Variants in FBXL17 observed in about 807,000 individuals in gnomAD.
FBXL17 encodes F-box/LRR-repeat protein 17.
FBXL17 carries 22 observed loss-of-function variants against 66.2 expected under a neutral mutation model. That is an observed-to-expected ratio of 0.33 (90% CI 0.24 to 0.47). The LOEUF (loss-of-function observed/expected upper bound fraction) is 0.47. FBXL17 is among the 20% of genes least tolerant of loss of function. The pLI is 1.00. For missense variants in FBXL17, 878 were observed against 948.2 expected (o/e 0.93, Z 0.97); for synonymous variants, 474 against 400.5 (o/e 1.18, Z -2.19).
intron 8 of FBXL17, among the ~76,000 whole-genome samples, chr5:107,866,363 G>T (rs1203284563): frequency 2.0e-5 from 3 of 152,098 alleles, no homozygotes; most frequent in Non-Finnish European, 4.4e-5. Flanking sequence ...TTTCAAAATT[G>T]TTGTAACTCT....
At position 108,161,232 on chromosome 5, in the gene FBXL17, C is replaced by T. The variant is rs146791135; in HGVS notation, c.1745+24885G>A. 4.6e-5 allele frequency among the ~76,000 whole-genome samples: 7 copies of T among 151,644 alleles called. No homozygotes were observed. In the East Asian group the frequency reaches 1.4e-3, roughly 30 times the overall value. ...GCGCAGTGGCTCACACCTGTAATCC[C>T]AGCACTTTGGGAGGCCCAGGTGGGC... On this transcript the variant is annotated intron_variant, in intron 6 of 8. Coordinates refer to ENST00000542267, the MANE Select transcript of FBXL17 (RefSeq NM_001163315.3).
At chr5:108,338,476 G>A (rs1319797833) in intron 4 of FBXL17, among the ~76,000 whole-genome samples, 1 of 152,020 alleles carries the variant, frequency 6.6e-6, no homozygotes, top group Non-Finnish European at 1.5e-5. Context: ...AGCCAATAAA[G>A]ATCTGGTAAC....
intron 6 of FBXL17, among the ~76,000 whole-genome samples, chr5:108,031,832 G>A (rs758714906): frequency 6.6e-6 from 1 of 152,136 alleles, no homozygotes; most frequent in Non-Finnish European, 1.5e-5. Context: ...CATCTGCAAT[G>A]CTGACTGCCA....
intron 6 of FBXL17, among the ~76,000 whole-genome samples, chr5:108,120,717 T>A (rs1386617032): frequency 1.3e-5 from 2 of 151,966 alleles, no homozygotes; most frequent in Non-Finnish European, 2.9e-5. Flanking sequence ...CCTGTAGTCG[T>A]AGCTACTCAG....
intron 4 of FBXL17, among the ~76,000 whole-genome samples, chr5:108,312,828 C>G (rs375436394): frequency 6.6e-6 from 1 of 151,832 alleles, no homozygotes; most frequent in East Asian, 1.9e-4. Flanking sequence ...ACTCCAATAC[C>G]GATAATTTCT....
chr5:108,077,674 A>G (rs1315836614), intron 6 of FBXL17, among the ~76,000 whole-genome samples: 1 of 152,098 alleles, frequency 6.6e-6, no homozygotes, highest in Non-Finnish European at 1.5e-5. Flanking sequence ...AAAAAAAAAA[A>G]AAATGAAAAA....
intron 7 of FBXL17, among the ~76,000 whole-genome samples, chr5:107,929,170 C>A (rs984417387): frequency 1.3e-5 from 2 of 152,122 alleles, no homozygotes; most frequent in African/African-American, 2.4e-5. Context: ...TAAACAGACA[C>A]AGTAGGGAAA....
intron 4 of FBXL17, among the ~76,000 whole-genome samples, chr5:108,254,864 A>G (rs138502035): frequency 9.6e-4 from 146 of 152,278 alleles, no homozygotes; most frequent in African/African-American, 3.1e-3. Context: ...GTTAATCCCA[A>G]TGTCTTAAAC....
intron 7 of FBXL17, among the ~76,000 whole-genome samples, chr5:107,906,083 T>C (rs151257896): frequency 0.013 from 2,021 of 152,084 alleles, 44 homozygotes; most frequent in African/African-American, 0.046. Flanking sequence ...TCAAGAAGTT[T>C]AGCAAATCTG....
chr5:107,997,343 T>C (rs928633159), intron 7 of FBXL17, among the ~76,000 whole-genome samples: 6 of 152,206 alleles, frequency 3.9e-5, no homozygotes, highest in African/African-American at 1.4e-4. Flanking sequence ...ATATGTAAAA[T>C]TGAAATGCTG....
At chr5:108,126,567 G>A (rs1750704344) in intron 6 of FBXL17, among the ~76,000 whole-genome samples, 1 of 151,126 alleles carries the variant, frequency 6.6e-6, no homozygotes, top group South Asian at 2.1e-4. Flanking sequence ...TTTTATATAT[G>A]TGTGTATATA....
At chr5:108,068,463 G>A (rs1197114692) in intron 6 of FBXL17, among the ~76,000 whole-genome samples, 1 of 149,576 alleles carries the variant, frequency 6.7e-6, no homozygotes, top group Admixed American at 6.7e-5. Flanking sequence ...TTTTTTGGGG[G>A]GGGGGCGGGG....
At chr5:108,184,582 C>G (rs986983580) in intron 6 of FBXL17, among the ~76,000 whole-genome samples, 3 of 151,602 alleles carry the variant, frequency 2.0e-5, no homozygotes, top group Admixed American at 1.3e-4. Context: ...GCTGGGATTA[C>G]AAGTGTGAGC....
intron 4 of FBXL17, among the ~76,000 whole-genome samples, chr5:108,280,224 A>T (rs1409058240): frequency 2.0e-5 from 3 of 152,176 alleles, no homozygotes; most frequent in Non-Finnish European, 4.4e-5. Context: ...AACAGAAAGA[A>T]AAAAAGCACC....
intron 4 of FBXL17, among the ~76,000 whole-genome samples, chr5:108,291,147 C>A (rs948940026): frequency 6.6e-6 from 1 of 152,170 alleles, no homozygotes; most frequent in Non-Finnish European, 1.5e-5. Context: ...ATTTCTGCAA[C>A]TGTGAAATAA....
chr5:108,016,809 C>T (rs1203854656), intron 7 of FBXL17, among the ~76,000 whole-genome samples: 2 of 139,466 alleles, frequency 1.4e-5, no homozygotes, highest in African/African-American at 5.1e-5. Context: ...GACAGAGTTT[C>T]GCTTTTGTCG....
intron 6 of FBXL17, among the ~76,000 whole-genome samples, chr5:108,105,188 T>C (rs1030479572): frequency 6.6e-5 from 10 of 152,024 alleles, no homozygotes; most frequent in African/African-American, 2.2e-4. Context: ...AAAATAGCAG[T>C]AAATAAAAAG....
intron 7 of FBXL17, among the ~76,000 whole-genome samples, chr5:107,921,656 G>A (rs1183564350): frequency 6.6e-6 from 1 of 152,168 alleles, no homozygotes; most frequent in African/African-American, 2.4e-5. Flanking sequence ...CATGATGGCT[G>A]CTGGAAACCA....
chr5:108,360,480 T>C (rs937966647), intron 3 of FBXL17, among the ~76,000 whole-genome samples: 2 of 152,132 alleles, frequency 1.3e-5, no homozygotes, highest in South Asian at 2.1e-4. Flanking sequence ...GGAGTGCTTG[T>C]ATGTGATGAG....
Sources: allele counts gnomAD v4.1 joint callset (sites outside exome capture counted in the v4.1 genomes callset), GRCh38; gene constraint gnomAD v4.1.1; transcripts MANE v1.5; gene names NCBI Gene and HGNC (gene_info 2026-07-23, HGNC 2026-07-21).